CNR2: variants seen among roughly 807,000 people sequenced by gnomAD.
CNR2 encodes the protein cannabinoid receptor 2.
For missense variants in CNR2, 379 were observed against 439.9 expected (o/e 0.86, Z 1.24); for synonymous variants, 172 against 182.2 (o/e 0.94, Z 0.45).
intron 1 of CNR2, among the ~76,000 whole-genome samples, chr1:23,879,719 T>C (rs766178015): frequency 1.3e-5 from 2 of 152,128 alleles, no homozygotes; most frequent in African/African-American, 2.4e-5. Flanking sequence ...GGTAAAGACA[T>C]TGATTAATTT....
At chr1:23,879,847 G>C (rs1639947924) in intron 1 of CNR2, among the ~76,000 whole-genome samples, 2 of 152,160 alleles carry the variant, frequency 1.3e-5, no homozygotes, top group South Asian at 2.1e-4. Context: ...ATAGCAGTCA[G>C]GGTGATCCTT....
chr1:23,887,301 C>A (rs1570709576), intron 1 of CNR2, among the ~76,000 whole-genome samples: 1 of 152,172 alleles, frequency 6.6e-6, no homozygotes, highest in Admixed American at 6.5e-5. Context: ...ATCCCTGCAA[C>A]CCTGCTAGGA....
Position 23,872,726 on chromosome 1 carries a change from T to C in CNR2, c.*1809A>G, listed in dbSNP as rs965878488. 2 of 152,160 alleles carry C rather than the reference T, an allele frequency of 1.3e-5. No individual in the cohort carries two copies. Among genetic ancestry groups the C allele is most frequent in the African/African-American group, 4.8e-5 (2 of 41,444 alleles). 9.4% of individuals were successfully genotyped at this position (152,160 alleles called of 1,614,324 possible). On this transcript the variant is annotated 3_prime_UTR_variant, in exon 2 of 2. Transcript: ENST00000374472. ...GGGAAACATGAAGTGAAATAAGGCA[T>C]TTAAAAACACTTAGCCCCCTGCCTG...
At chr1:23,889,876 TAA>T (rs1235880369) in intron 1 of CNR2, among the ~76,000 whole-genome samples, 2 of 152,202 alleles carry the variant, frequency 1.3e-5, no homozygotes, top group Non-Finnish European at 2.9e-5. Context: ...TTATACAGAT[TAA>T]TGATACAAGT....
At chr1:23,889,335 C>T (rs1429372213) in intron 1 of CNR2, among the ~76,000 whole-genome samples, 5 of 152,186 alleles carry the variant, frequency 3.3e-5, no homozygotes, top group Admixed American at 6.5e-5. Context: ...GTGGCTACCA[C>T]ACCTACAGTG....
chr1:23,883,828 AAAAC>A (rs1256928551), intron 1 of CNR2, among the ~76,000 whole-genome samples: 4 of 152,264 alleles, frequency 2.6e-5, no homozygotes, highest in South Asian at 2.1e-4. Flanking sequence ...CCATCTCCAA[AAAAC>A]AAACAAACAA....
At chr1:23,911,803 C>A (rs1194861762) in intron 1 of CNR2, among the ~76,000 whole-genome samples, 2 of 152,122 alleles carry the variant, frequency 1.3e-5, no homozygotes, top group African/African-American at 4.8e-5. Context: ...ACCTGCCCAG[C>A]GCAGGTTAGG....
chr1:23,899,898 AG>A (rs1640362158), intron 1 of CNR2, among the ~76,000 whole-genome samples: 1 of 4,806 alleles, frequency 2.1e-4, no homozygotes, highest in Admixed American at 4.1e-3. Context: ...AGAAAGAGAA[AG>A]AAAGAAAGAG....
intron 1 of CNR2, among the ~76,000 whole-genome samples, chr1:23,891,275 T>TTGTGTGTGTGTGTGTGTGTGTGTGTGTG (rs57856234): frequency 2.0e-5 from 3 of 150,314 alleles, no homozygotes; most frequent in African/African-American, 7.4e-5. Flanking sequence ...ACCAAATCTT[T>TTGTGTGTGTGTGTGTGTGTGTGTGTGTG]TGTGTGTGTG....
intron 1 of CNR2, among the ~76,000 whole-genome samples, chr1:23,899,826 A>T (rs1388907623): frequency 3.8e-5 from 1 of 26,110 alleles, no homozygotes; most frequent in Admixed American, 4.4e-4. Flanking sequence ...GAAAGAAAGA[A>T]AAGAAAAAAA....
rs773803426 is a variant in CNR2 at position 23,875,398 on chromosome 1, C to A, written c.220G>T (p.Gly74Cys). 1 of 1,614,214 alleles carries A rather than the reference C, an allele frequency of 6.2e-7. No individual in the cohort carries two copies. Among genetic ancestry groups the A allele is most frequent in the Non-Finnish European group, 8.5e-7 (1 of 1,180,046 alleles). ...AGGAAGTCAGCCCCAGCCAAGCTGCCAATGAACAGGTATGAGGGCTTCCGG... is the reference window on the plus strand; with the variant it reads ...AGGAAGTCAGCCCCAGCCAAGCTGCAAATGAACAGGTATGAGGGCTTCCGG... ...LRRKPSYLFI[G>C]SLAGADFLAS... Residue 74 changes from glycine to cysteine, a missense_variant, in exon 2 of 2, where the codon GGC (glycine) becomes TGC (cysteine). Physicochemically the swap from Gly to Cys is radical, Grantham distance 159. Transcript: ENST00000374472.
At chr1:23,905,945 G>A (rs1378102513) in intron 1 of CNR2, among the ~76,000 whole-genome samples, 3 of 152,144 alleles carry the variant, frequency 2.0e-5, no homozygotes, top group Non-Finnish European at 2.9e-5. Context: ...CTCAGGCCTC[G>A]GGAGCCAAAC....
chr1:23,895,510 T>C (rs572248964), intron 1 of CNR2, among the ~76,000 whole-genome samples: 7 of 152,212 alleles, frequency 4.6e-5, no homozygotes, highest in East Asian at 1.9e-4. Context: ...GTCCTTTTTT[T>C]TCTCTCTCTT....
intron 1 of CNR2, among the ~76,000 whole-genome samples, chr1:23,910,076 G>A (rs1640558176): frequency 6.7e-6 from 1 of 150,364 alleles, no homozygotes; most frequent in Non-Finnish European, 1.5e-5. Context: ...AGCCCCCTGA[G>A]TAGCTGGGAC....
intron 1 of CNR2, among the ~76,000 whole-genome samples, chr1:23,909,678 C>T (rs951394734): frequency 2.0e-5 from 3 of 152,044 alleles, no homozygotes; most frequent in East Asian, 1.9e-4. Flanking sequence ...GGAGAGAAGC[C>T]GGCCATATTC....
rs373993382 is a variant in CNR2 at position 23,875,159 on chromosome 1, G to A, written c.459C>T (p.Thr153=). ...CTGAGAGGACCCACATGATGCCCAG[G>A]GTCACCAGTGCCCTTCCACGGGTGA... ...ALLTRGRALV[T]LGIMWVLSAL... The change falls in exon 2 of 2, where the codon ACC becomes ACT. Residue 153 remains threonine (T), a synonymous_variant. Transcript: ENST00000374472. 1 of 1,613,838 alleles carries A rather than the reference G, an allele frequency of 6.2e-7. No homozygotes were observed.
intron 1 of CNR2, among the ~76,000 whole-genome samples, chr1:23,880,185 C>T (rs867048675): frequency 7.8e-6 from 1 of 128,764 alleles, no homozygotes; most frequent in East Asian, 2.2e-4. Flanking sequence ...ACTTCCAACT[C>T]TTTTTTTTTT....
At chr1:23,885,605 C>T (rs984758237) in intron 1 of CNR2, among the ~76,000 whole-genome samples, 4 of 152,122 alleles carry the variant, frequency 2.6e-5, no homozygotes, top group Admixed American at 6.6e-5. Context: ...CTGGGCCGGG[C>T]GCGGCGGCTC....
chr1:23,908,439 C>G (rs1218143609), intron 1 of CNR2, among the ~76,000 whole-genome samples: 1 of 152,102 alleles, frequency 6.6e-6, no homozygotes, highest in Non-Finnish European at 1.5e-5. Flanking sequence ...TTCCACTTAT[C>G]CTAGGAAGAT....
Sources: allele counts gnomAD v4.1 joint callset (sites outside exome capture counted in the v4.1 genomes callset), GRCh38; gene constraint gnomAD v4.1.1; transcripts MANE v1.5; gene names NCBI Gene and HGNC (gene_info 2026-07-23, HGNC 2026-07-21).